SHROOM4: variants seen among roughly 807,000 people sequenced by gnomAD.
SHROOM4 encodes protein Shroom4.
A neutral mutation model predicts 80.3 loss-of-function variants in SHROOM4; 17 were observed. The ratio of observed to expected loss-of-function variants is 0.21; its 90% CI spans 0.14 to 0.32. The LOEUF is 0.32. Ranked by LOEUF, SHROOM4 falls within the 10% of genes least tolerant of loss-of-function variation. SHROOM4 has a pLI of 1.00. For missense variants in SHROOM4, 993 were observed against 1,140.3 expected (o/e 0.87, Z 1.86); for synonymous variants, 400 against 437.5 (o/e 0.91, Z 1.07).
rs781807261 is a variant in SHROOM4, at chrX:50,591,300, A to C, written c.*5395T>G. Among the ~76,000 whole-genome samples the C allele has an allele frequency of 3.6e-5, 4 of 112,190 alleles. No homozygotes were observed. Among genetic ancestry groups the C allele is most frequent in the South Asian group, 3.7e-4 (1 of 2,669 alleles). The stretch of plus-strand genomic sequence containing the variant: ...TGTACCACACTGTCTTGATTACTGT[A>C]GTTTTGCAGTAAGTTTTGAAGTTGG... On this transcript the variant is annotated 3_prime_UTR_variant, in exon 9 of 9. Coordinates refer to ENST00000376020, the MANE Select transcript of SHROOM4 (RefSeq NM_020717.5).
chrX:50,776,374 G>A (rs1294462814), intron 1 of SHROOM4, among the ~76,000 whole-genome samples: 1 of 111,157 alleles, frequency 9.0e-6, no homozygotes, highest in Non-Finnish European at 1.9e-5. Flanking sequence ...AGGTAGTATT[G>A]AGCATTACTG....
chrX:50,602,484 G>T, intron 7 of SHROOM4, 149 bp downstream of exon 7: 2 of 547,037 alleles, frequency 3.7e-6, no homozygotes, highest in South Asian at 2.7e-5. Flanking sequence ...ACAGGACTTG[G>T]ATCTGTGAGA....
At chrX:50,743,738 C>T (rs1602481134) in intron 1 of SHROOM4, among the ~76,000 whole-genome samples, 1 of 111,851 alleles carries the variant, frequency 8.9e-6, no homozygotes, top group Admixed American at 9.5e-5. Flanking sequence ...ATTACAGGCA[C>T]GAGTTACTGC....
chrX:50,708,269 A>G (rs1557264125), intron 1 of SHROOM4, among the ~76,000 whole-genome samples: 1 of 112,025 alleles, frequency 8.9e-6, no homozygotes. Flanking sequence ...TCTTTCATCA[A>G]TCGCTGTTCA....
intron 1 of SHROOM4, among the ~76,000 whole-genome samples, chrX:50,771,886 T>C (rs1343966540): frequency 8.9e-6 from 1 of 112,120 alleles, no homozygotes; most frequent in African/African-American, 3.2e-5. Flanking sequence ...TATATAGTCA[T>C]AAAGTGTAAT....
At chrX:50,656,996 C>A (rs1932336080) in intron 2 of SHROOM4, among the ~76,000 whole-genome samples, 1 of 109,420 alleles carries the variant, frequency 9.1e-6, no homozygotes, top group Non-Finnish European at 1.9e-5. Context: ...TAAATTTATT[C>A]CTAAGTATTT....
At chrX:50,578,131 T>C in the SHROOM4 span, among the ~76,000 whole-genome samples, 1 of 111,377 alleles carries the variant, frequency 9.0e-6, no homozygotes, top group South Asian at 3.8e-4. Flanking sequence ...CATAAACTTC[T>C]CAAAGTTTCC....
intron 1 of SHROOM4, among the ~76,000 whole-genome samples, chrX:50,810,838 T>G (rs782186470): frequency 1.8e-5 from 2 of 112,360 alleles, no homozygotes; most frequent in Non-Finnish European, 3.8e-5. Context: ...AGTCTCGGGT[T>G]TTCCATCAGT....
intron 4 of SHROOM4, among the ~76,000 whole-genome samples, chrX:50,628,688 A>G (rs1262026017): frequency 8.9e-6 from 1 of 111,902 alleles, no homozygotes; most frequent in Non-Finnish European, 1.9e-5. Flanking sequence ...ACTGGCTAAG[A>G]CACTTAATAG....
At chrX:50,804,206 G>C (rs1242790747) in intron 1 of SHROOM4, among the ~76,000 whole-genome samples, 1 of 111,589 alleles carries the variant, frequency 9.0e-6, no homozygotes, top group Non-Finnish European at 1.9e-5. Flanking sequence ...CTGGACAACA[G>C]CGCAGGTTGT....
At chrX:50,752,701 A>G (rs782688477) in intron 1 of SHROOM4, among the ~76,000 whole-genome samples, 1 of 112,150 alleles carries the variant, frequency 8.9e-6, no homozygotes, top group African/African-American at 3.2e-5. Context: ...CCAGGTTGGA[A>G]TCCTCATTTA....
At chrX:50,652,507 T>C (rs1328598243) in intron 2 of SHROOM4, among the ~76,000 whole-genome samples, 5 of 110,904 alleles carry the variant, frequency 4.5e-5, no homozygotes, top group African/African-American at 1.6e-4. Context: ...AAAATTTTCT[T>C]CCATTCTGTA....
At chrX:50,626,084 G>A (rs1930789593) in intron 5 of SHROOM4, among the ~76,000 whole-genome samples, 1 of 111,808 alleles carries the variant, frequency 8.9e-6, no homozygotes, top group Non-Finnish European at 1.9e-5. Context: ...GAAAGAGAGA[G>A]AGGGAGTGAG....
intron 1 of SHROOM4, among the ~76,000 whole-genome samples, chrX:50,758,007 CT>C (rs1935073634): frequency 9.0e-6 from 1 of 111,023 alleles, no homozygotes; most frequent in Non-Finnish European, 1.9e-5. Flanking sequence ...GTACAAAATA[CT>C]TTTTTGTCAA....
At chrX:50,615,098 TTGTG>T (rs58621277) in intron 5 of SHROOM4, among the ~76,000 whole-genome samples, 35,624 of 98,215 alleles carry the variant, frequency 0.36, 4,821 homozygotes, top group South Asian at 0.46. Context: ...GATTCTCTTA[TTGTG>T]TGTGTGTGTG....
intron 1 of SHROOM4, among the ~76,000 whole-genome samples, chrX:50,773,174 G>A (rs1557269851): frequency 1.8e-5 from 2 of 111,966 alleles, no homozygotes; most frequent in South Asian, 3.7e-4. Context: ...CTACCATTAC[G>A]AAAAATAACA....
chrX:50,731,982 G>A (rs782033436), intron 1 of SHROOM4, among the ~76,000 whole-genome samples: 1 of 111,978 alleles, frequency 8.9e-6, no homozygotes, highest in South Asian at 3.7e-4. Flanking sequence ...CAGCTGGTAG[G>A]AGCCTTCCTG....
In SHROOM4 at chrX:50,639,049, T is replaced by C. The variant is rs184906546; in HGVS notation, c.270-741A>G. ...CACCATGTTAGGCTGACAGAGGAGA[T>C]TGGCTGCTCAGCAGGTCAGGGGTAT... On this transcript the variant is annotated intron_variant, in intron 2 of 8. Transcript: ENST00000376020. 1.2e-4 allele frequency among the ~76,000 whole-genome samples: 13 copies of C among 112,614 alleles called. No homozygotes were observed. The East Asian group carries it at 3.1e-3, about 27-fold the overall frequency.
In SHROOM4 at chrX:50,607,716, T is replaced by TTCC. The variant is rs1929737065; in HGVS notation, c.3425_3426insGGA (p.Glu1151dup). 5 of 1,095,641 alleles carry TTCC rather than the reference T, an allele frequency of 4.6e-6. No individual in the cohort carries two copies. Among genetic ancestry groups the TTCC allele is most frequent in the African/African-American group, 2.1e-5 (1 of 47,869 alleles). The allele number at this position is 1,095,641 out of a possible 1,213,427, so 90.3% of individuals were successfully genotyped here. On this transcript the variant is annotated inframe_insertion, in exon 6 of 9. Coordinates refer to ENST00000376020, the MANE Select transcript of SHROOM4 (RefSeq NM_020717.5). Reference sequence around the variant, plus strand: ...CCTCCTCCTCCTCTTCCTCTTCCTCTTCTTCTTCTTCTTCCTCCTCCTCCT... The same window carrying TTCC: ...CCTCCTCCTCCTCTTCCTCTTCCTCTTCCTCTTCTTCTTCTTCCTCCTCCTCCT...
Sources: gnomAD v4.1 joint callset for allele counts (sites outside exome capture counted in the v4.1 genomes callset) on GRCh38, gnomAD v4.1.1 for gene constraint, MANE v1.5 for transcripts, NCBI Gene and HGNC (gene_info 2026-07-23, HGNC 2026-07-21) for gene names.